The following KLF12 variants were observed in gnomAD, a reference collection of about 807,000 sequenced individuals.
KLF12 encodes the protein Krueppel-like factor 12.
In KLF12, 9 loss-of-function variants were observed where a neutral mutation model predicts 37.8. The observed-to-expected ratio is 0.24, with a 90% CI of 0.14 to 0.42. KLF12 has a LOEUF of 0.42. Among genes scored for constraint, KLF12 ranks in the 10% least tolerant of loss-of-function variants. KLF12 has a pLI of 1.00. For synonymous variants in KLF12, 208 were observed against 202.1 expected, an observed-to-expected ratio of 1.03 and a Z score of -0.25; for missense variants, 411 against 516.0, an observed-to-expected ratio of 0.80 and a Z score of 1.97.
chr13:73,686,565 A>G lies in KLF12; in HGVS notation c.*8925T>C, dbSNP rs1221971097. 2.0e-5 allele frequency: 3 copies of G among 152,656 alleles called. No homozygotes were observed. The highest frequency in any genetic ancestry group is 4.4e-5 in the Non-Finnish European group (3 of 68,040). 9.5% of individuals were successfully genotyped at this position (152,656 alleles called of 1,614,324 possible). A position where few individuals can be genotyped will look rare whatever the true frequency, so the allele number is the denominator to read the frequency against. The stretch of plus-strand genomic sequence containing the variant: ...AACTGGAGAAATAAATTCATTTGCA[A>G]TTAAAATCCTGAACAGAAAACCAAA... On this transcript the variant is annotated 3_prime_UTR_variant, in exon 8 of 8. Coordinates refer to ENST00000377669, the MANE Select transcript of KLF12 (RefSeq NM_007249.5).
chr13:73,946,284 T>C lies in KLF12; in HGVS notation c.34-2214A>G, dbSNP rs74095909. On this transcript the variant is annotated intron_variant, in intron 2 of 7. Coordinates refer to ENST00000377669, the MANE Select transcript of KLF12 (RefSeq NM_007249.5). ...TTCTGGAAAAGCAGATTTAATGAAC[T>C]GTTAGAATCTGATTAGAGGCTAATG... 2.4e-3 allele frequency among the ~76,000 whole-genome samples: 365 copies of C among 152,318 alleles called. 4 individuals are homozygous for C. Among genetic ancestry groups the C allele is most frequent in the African/African-American group, 8.2e-3 (339 of 41,564 alleles).
At chr13:74,240,594 A>AT in the KLF12 span, among the ~76,000 whole-genome samples, 1 of 75,082 alleles carries the variant, frequency 1.3e-5, no homozygotes. Context: ...TCAGACGTAG[A>AT]TTTGGTCTTT....
rs187509790 is a variant in KLF12 at position 74,085,006 on chromosome 13, A to G, written c.-32+48733T>C. ...ATTACATAAACAGTAGAGCTTATTA[A>G]TACCCTACAGGTCTATATCATGATC... On this transcript the variant is annotated intron_variant, in intron 1 of 7. Coordinates refer to ENST00000377669, the MANE Select transcript of KLF12 (RefSeq NM_007249.5). Among the ~76,000 whole-genome samples, 357 of 152,328 alleles carry G rather than the reference A, an allele frequency of 2.3e-3. 3 individuals are homozygous for G. Among genetic ancestry groups the G allele is most frequent in the Non-Finnish European group, 9.1e-4 (62 of 68,038 alleles).
At chr13:74,169,785 G>C in the KLF12 span, among the ~76,000 whole-genome samples, 3 of 152,186 alleles carry the variant, frequency 2.0e-5, no homozygotes, top group Admixed American at 6.5e-5. Flanking sequence ...TGGCGTTGAG[G>C]AGGAAGAGAC....
chr13:73,904,469 C>CTTTTTTTTTTTT lies in KLF12; in HGVS notation c.123+39500_123+39511dup, dbSNP rs11342071. On this transcript the variant is annotated intron_variant, in intron 3 of 7. Coordinates refer to ENST00000377669, the MANE Select transcript of KLF12 (RefSeq NM_007249.5). ...CAGTTTCTCATGTTTTCTTTCTTTC[C>CTTTTTTTTTTTT]TTTTTTTTTTTTTTTTTTTTTTTAC... 4.7e-4 allele frequency among the ~76,000 whole-genome samples: 43 copies of CTTTTTTTTTTTT among 91,954 alleles called. 1 individual carries two copies. The highest frequency in any genetic ancestry group is 1.0e-3 in the East Asian group (3 of 2,936). The allele number at this position is 91,954 out of a possible 152,430, so 60.3% of individuals were successfully genotyped here.
At chr13:73,861,599 C>T (rs1594182848) in intron 3 of KLF12, among the ~76,000 whole-genome samples, 1 of 152,124 alleles carries the variant, frequency 6.6e-6, no homozygotes, top group Non-Finnish European at 1.5e-5. Context: ...CCAAGAGTGT[C>T]GAAGTTTAAA....
At chr13:73,706,641 A>C (rs1312147441) in intron 7 of KLF12, among the ~76,000 whole-genome samples, 1 of 152,258 alleles carries the variant, frequency 6.6e-6, no homozygotes, top group African/African-American at 2.4e-5. Flanking sequence ...TTGTCTGCAT[A>C]GGCAGGTGAT....
chr13:73,818,934 G>A lies in KLF12; in HGVS notation c.671-5647C>T, dbSNP rs564483938. ...AACATGTCCCAGTTAGAGAAACCCC[G>A]GCTTCCAGGAGAGCTGCTGGTTTAT... On this transcript the variant is annotated intron_variant, in intron 4 of 7. Coordinates refer to ENST00000377669, the MANE Select transcript of KLF12 (RefSeq NM_007249.5). Among the ~76,000 whole-genome samples the A allele has an allele frequency of 7.2e-5, 11 of 152,318 alleles. No individual in the cohort carries two copies. In the South Asian group the frequency reaches 1.0e-3, roughly 14 times the overall value.
chr13:73,974,635 A>G (rs1367045018), intron 2 of KLF12, among the ~76,000 whole-genome samples: 1 of 152,206 alleles, frequency 6.6e-6, no homozygotes, highest in Non-Finnish European at 1.5e-5. Context: ...TTACTTTGAC[A>G]CTAAAATTCT....
chr13:73,989,844 A>G (rs1891919154), intron 2 of KLF12, among the ~76,000 whole-genome samples: 1 of 152,172 alleles, frequency 6.6e-6, no homozygotes, highest in Non-Finnish European at 1.5e-5. Flanking sequence ...AAATAACCCA[A>G]GCAAACAGAT....
At chr13:73,750,354 A>C (rs1250507143) in intron 6 of KLF12, among the ~76,000 whole-genome samples, 1 of 152,164 alleles carries the variant, frequency 6.6e-6, no homozygotes, top group East Asian at 1.9e-4. Context: ...TTTCCTACCA[A>C]TAGATGAGGA....
the KLF12 span, among the ~76,000 whole-genome samples, chr13:74,142,560 G>A: frequency 6.6e-6 from 1 of 152,150 alleles, no homozygotes; most frequent in African/African-American, 2.4e-5. Context: ...TTACAAGACT[G>A]TAAGCTCTAC....
the KLF12 span, among the ~76,000 whole-genome samples, chr13:74,157,500 G>T: frequency 0.18 from 27,407 of 152,084 alleles, 2,924 homozygotes; most frequent in African/African-American, 0.29. Context: ...AGGGAGGGAG[G>T]TTGGCTATGC....
At chr13:74,149,859 T>C in the KLF12 span, among the ~76,000 whole-genome samples, 9 of 152,306 alleles carry the variant, frequency 5.9e-5, no homozygotes, top group Admixed American at 5.9e-4. Flanking sequence ...CACCAGATCA[T>C]CCCGTCCAGC....
intron 3 of KLF12, among the ~76,000 whole-genome samples, chr13:73,938,895 G>C (rs1890068101): frequency 6.6e-6 from 1 of 152,194 alleles, no homozygotes; most frequent in East Asian, 1.9e-4. Context: ...GGCAATGCCT[G>C]CACCCTTTCT....
At chr13:73,887,252 G>A (rs1182347418) in intron 3 of KLF12, among the ~76,000 whole-genome samples, 1 of 152,068 alleles carries the variant, frequency 6.6e-6, no homozygotes, top group Non-Finnish European at 1.5e-5. Flanking sequence ...TAGTAAAGAT[G>A]GCAAAGAGAA....
intron 6 of KLF12, among the ~76,000 whole-genome samples, chr13:73,737,098 T>C (rs1877516338): frequency 6.6e-6 from 1 of 152,200 alleles, no homozygotes; most frequent in African/African-American, 2.4e-5. Context: ...TTCTTCTTAC[T>C]AGATTACCTG....
upstream of KLF12, among the ~76,000 whole-genome samples, chr13:74,138,342 G>A (rs139380709): frequency 3.1e-4 from 47 of 152,052 alleles, no homozygotes; most frequent in African/African-American, 1.1e-3. Context: ...TTTTTCCTAA[G>A]GCCGAAAGTG....
At chr13:73,825,847 T>C (rs1449721460) in intron 4 of KLF12, among the ~76,000 whole-genome samples, 1 of 152,188 alleles carries the variant, frequency 6.6e-6, no homozygotes, top group Non-Finnish European at 1.5e-5. Flanking sequence ...CTAGCTGAGA[T>C]CTGAGATCCA....
Sources: gnomAD v4.1 joint callset for allele counts (sites outside exome capture counted in the v4.1 genomes callset) on GRCh38, gnomAD v4.1.1 for gene constraint, MANE v1.5 for transcripts, NCBI Gene and HGNC (gene_info 2026-07-23, HGNC 2026-07-21) for gene names.